RSRC1: variants seen among roughly 807,000 people sequenced by gnomAD.
RSRC1 encodes serine/Arginine-related protein 53.
RSRC1 carries 39 observed loss-of-function variants against 49.1 expected under a neutral mutation model. The observed-to-expected ratio is 0.79, with a 90% CI of 0.61 to 1.04. The LOEUF (loss-of-function observed/expected upper bound fraction) is 1.04. Among genes scored for constraint, RSRC1 ranks in the 50% least tolerant of loss-of-function variants. RSRC1 has a pLI of 0.00. For missense variants in RSRC1, 388 were observed against 402.4 expected (o/e 0.96, Z 0.31); for synonymous variants, 143 against 130.8 (o/e 1.09, Z -0.63).
intron 7 of RSRC1, among the ~76,000 whole-genome samples, chr3:158,527,814 C>T (rs147189203): frequency 3.9e-5 from 6 of 151,982 alleles, no homozygotes; most frequent in Admixed American, 3.9e-4. Context: ...TAATTAGCCA[C>T]AATTAATATT....
At chr3:158,414,060 A>C (rs772455003) in intron 6 of RSRC1, among the ~76,000 whole-genome samples, 1 of 152,202 alleles carries the variant, frequency 6.6e-6, no homozygotes, top group Non-Finnish European at 1.5e-5. Flanking sequence ...GTATATACCC[A>C]AAGGAATATA....
intron 7 of RSRC1, among the ~76,000 whole-genome samples, chr3:158,526,703 A>G (rs986978754): frequency 1.3e-5 from 2 of 152,028 alleles, no homozygotes. Context: ...ATTAAGGCAC[A>G]TGGGGCCATA....
intron 6 of RSRC1, among the ~76,000 whole-genome samples, chr3:158,401,726 T>A (rs1273815618): frequency 6.6e-6 from 1 of 152,006 alleles, no homozygotes; most frequent in African/African-American, 2.4e-5. Context: ...TGTTTTAAAA[T>A]TGTATATAAT....
intron 6 of RSRC1, among the ~76,000 whole-genome samples, chr3:158,425,764 C>T (rs1385194239): frequency 2.6e-5 from 4 of 151,824 alleles, no homozygotes; most frequent in African/African-American, 7.3e-5. Flanking sequence ...AATCTGGGTG[C>T]TCCTTTATTG....
intron 4 of RSRC1, among the ~76,000 whole-genome samples, chr3:158,266,315 A>C (rs1050055839): frequency 1.3e-5 from 2 of 152,014 alleles, no homozygotes; most frequent in Admixed American, 6.6e-5. Flanking sequence ...ATTAATGTAG[A>C]TCTCTTTTTC....
chr3:158,411,666 C>CTA (rs1734472748), intron 6 of RSRC1, among the ~76,000 whole-genome samples: 1 of 152,000 alleles, frequency 6.6e-6, no homozygotes, highest in Non-Finnish European at 1.5e-5. Flanking sequence ...TACAGGCACA[C>CTA]ACTACCACAC....
intron 3 of RSRC1, among the ~76,000 whole-genome samples, chr3:158,163,307 G>A (rs1046460922): frequency 2.0e-5 from 3 of 151,954 alleles, no homozygotes; most frequent in African/African-American, 7.2e-5. Context: ...CATGTGGCCT[G>A]AAATAATATT....
intron 6 of RSRC1, among the ~76,000 whole-genome samples, chr3:158,395,845 A>G (rs972047362): frequency 2.6e-5 from 4 of 152,120 alleles, no homozygotes; most frequent in Non-Finnish European, 5.9e-5. Flanking sequence ...ACCCATACCC[A>G]AAGATATATA....
intron 4 of RSRC1, among the ~76,000 whole-genome samples, chr3:158,221,138 T>C (rs1722202869): frequency 6.6e-6 from 1 of 151,594 alleles, no homozygotes; most frequent in African/African-American, 2.4e-5. Flanking sequence ...CTTTAATCTT[T>C]AGTCGGTTTC....
chr3:158,182,914 G>C (rs1368208214), intron 3 of RSRC1, among the ~76,000 whole-genome samples: 1 of 152,034 alleles, frequency 6.6e-6, no homozygotes, highest in Non-Finnish European at 1.5e-5. Context: ...GTATAGTAAT[G>C]CTGTAAAGCA....
At chr3:158,334,649 T>TTGTGTGTG (rs71840277) in intron 5 of RSRC1, among the ~76,000 whole-genome samples, 22,282 of 137,256 alleles carry the variant, frequency 0.16, 1,992 homozygotes, top group Middle Eastern at 0.24. Context: ...CCCAGCTAAT[T>TTGTGTGTG]TGTGTGTGTG....
At chr3:158,542,817 G>A (rs991556636) in intron 8 of RSRC1, among the ~76,000 whole-genome samples, 2 of 152,034 alleles carry the variant, frequency 1.3e-5, no homozygotes, top group Non-Finnish European at 1.5e-5. Context: ...AAATTGTATG[G>A]TATATGAATT....
Position 158,319,798 on chromosome 3 carries a change from G to A in RSRC1, c.531+21723G>A, listed in dbSNP as rs75362584. On this transcript the variant is annotated intron_variant, in intron 5 of 9. Coordinates refer to ENST00000611884, the MANE Select transcript of RSRC1 (RefSeq NM_001271838.2). ...TGTACAGCTTTAAATTTCTCTTCCC[G>A]TATGATTGGAACAGGAAGTGAATTC... Among the ~76,000 whole-genome samples, 443 of 152,154 alleles carry A rather than the reference G, an allele frequency of 2.9e-3. 1 individual carries two copies. The highest frequency in any genetic ancestry group is 5.3e-3 in the African/African-American group (219 of 41,512).
intron 4 of RSRC1, among the ~76,000 whole-genome samples, chr3:158,211,184 A>G (rs1333855273): frequency 6.6e-6 from 1 of 151,974 alleles, no homozygotes; most frequent in Non-Finnish European, 1.5e-5. Flanking sequence ...AATAAAAGGG[A>G]AAGAGTACTG....
At chr3:158,192,585 G>C (rs1231861933) in intron 3 of RSRC1, among the ~76,000 whole-genome samples, 1 of 152,028 alleles carries the variant, frequency 6.6e-6, no homozygotes, top group African/African-American at 2.4e-5. Flanking sequence ...GCTAATTGCA[G>C]TATCCCGTTT....
At chr3:158,328,232 A>G (rs1193436547) in intron 5 of RSRC1, among the ~76,000 whole-genome samples, 1 of 152,146 alleles carries the variant, frequency 6.6e-6, no homozygotes, top group Non-Finnish European at 1.5e-5. Flanking sequence ...GCCCATTTAT[A>G]TTTAAGGTTA....
chr3:158,147,917 C>G (rs1197894129), intron 3 of RSRC1, among the ~76,000 whole-genome samples: 1 of 152,106 alleles, frequency 6.6e-6, no homozygotes, highest in Non-Finnish European at 1.5e-5. Flanking sequence ...CCATTGCAGA[C>G]TAATATTTTT....
intron 5 of RSRC1, among the ~76,000 whole-genome samples, chr3:158,301,991 G>GTTT (rs35843326): frequency 1.8e-4 from 26 of 142,814 alleles, no homozygotes; most frequent in East Asian, 6.1e-4. Flanking sequence ...GGGTTTTTTT[G>GTTT]TTTTTTTTTT....
At chr3:158,443,477 T>C (rs900336905) in intron 6 of RSRC1, among the ~76,000 whole-genome samples, 1 of 152,188 alleles carries the variant, frequency 6.6e-6, no homozygotes, top group East Asian at 1.9e-4. Context: ...TTTAGACTTT[T>C]CTTCAGCAGC....
Sources: allele counts gnomAD v4.1 joint callset (sites outside exome capture counted in the v4.1 genomes callset), GRCh38; gene constraint gnomAD v4.1.1; transcripts MANE v1.5; gene names NCBI Gene and HGNC (gene_info 2026-07-23, HGNC 2026-07-21).